Variants in BCLAF1 observed in about 807,000 individuals in gnomAD.
The protein encoded by BCLAF1 is BCL2 associated transcription factor 1.
BCLAF1 carries 10 observed loss-of-function variants against 99.5 expected under a neutral mutation model. That is an observed-to-expected ratio of 0.10 (90% confidence interval 0.06 to 0.17). The LOEUF is 0.17. Among genes scored for constraint, BCLAF1 ranks in the 10% least tolerant of loss-of-function variants. The probability of loss-of-function intolerance (pLI) is 1.00; values close to 1 mark genes in which losing one functional copy is unlikely to be tolerated. For missense variants in BCLAF1, 636 were observed against 1,105.8 expected (o/e 0.58, Z 6.02); for synonymous variants, 255 against 370.9 (o/e 0.69, Z 3.59).
At chr6:136,264,087 C>T (rs1381637260) in intron 11 of BCLAF1, among the ~76,000 whole-genome samples, 1 of 152,026 alleles carries the variant, frequency 6.6e-6, no homozygotes. Context: ...TTTTTCCATC[C>T]ACAAAAATAG....
In BCLAF1 at chr6:136,257,414, G is replaced by C. The variant is rs1780529072; in HGVS notation, c.*3696C>G. ...CAAGTTTGGTCTCATTACCATCATT[G>C]ACACAAGTTAATCATTACTGCATGT... On this transcript the variant is annotated 3_prime_UTR_variant, in exon 13 of 13. Transcript: ENST00000531224. The C allele has an allele frequency of 6.6e-6, 1 of 152,056 alleles. No homozygotes were observed. Among genetic ancestry groups the C allele is most frequent in the Admixed American group, 6.5e-5 (1 of 15,270 alleles). 9.4% of individuals were successfully genotyped at this position (152,056 alleles called of 1,614,324 possible). A position where few individuals can be genotyped will look rare whatever the true frequency, so the allele number is the denominator to read the frequency against.
intron 1 of BCLAF1, among the ~76,000 whole-genome samples, chr6:136,284,128 G>GTGTGTA (rs1554220620): frequency 8.6e-5 from 7 of 81,352 alleles, no homozygotes; most frequent in African/African-American, 2.3e-4. Context: ...GTGTGTGTGT[G>GTGTGTA]TGTATATATA....
chr6:136,277,147 A>G (rs186561663), intron 4 of BCLAF1, among the ~76,000 whole-genome samples: 1 of 152,220 alleles, frequency 6.6e-6, no homozygotes, highest in Non-Finnish European at 1.5e-5. Flanking sequence ...TGAAGCAACC[A>G]ATTTTCACTG....
At position 136,278,391 on chromosome 6, in the gene BCLAF1, T is replaced by C. The variant is rs144315066; in HGVS notation, c.490A>G (p.Lys164Glu). ...PVSKRRGSQE[K>E]QTKKAEGEPQ... Reference sequence around the variant, plus strand: ...TCCCCTTCAGCTTTTTTGGTTTGTTTTTCCTGAGACCCTCGTCTTTTAGAA... The same window carrying C: ...TCCCCTTCAGCTTTTTTGGTTTGTTCTTCCTGAGACCCTCGTCTTTTAGAA... Residue 164 changes from lysine (K) to glutamate (E), a missense_variant, in exon 4 of 13, where the codon AAA (lysine) becomes GAA (glutamate). Coordinates refer to ENST00000531224, the MANE Select transcript of BCLAF1 (RefSeq NM_014739.3). The C allele has an allele frequency of 1.3e-4, 203 of 1,612,828 alleles. No individual in the cohort carries two copies. The highest frequency in any genetic ancestry group is 1.6e-4 in the Non-Finnish European group (187 of 1,179,658).
chr6:136,269,572 T>C lies in BCLAF1; in HGVS notation c.2084A>G (p.His695Arg), dbSNP rs781401355. 1 of 1,611,540 alleles carries C rather than the reference T, an allele frequency of 6.2e-7. No homozygotes were observed. Among genetic ancestry groups the C allele is most frequent in the Non-Finnish European group, 8.5e-7 (1 of 1,178,768 alleles). The stretch of plus-strand genomic sequence containing the variant: ...TTCTTTTCTACGGCGATCAATGTCA[T>C]GCCGAAGGTCAGCAGAGTCACACCT... Reference protein sequence around the residue: ...KLRCDSADLRHDIDRRRKERS... With the variant: ...KLRCDSADLRRDIDRRRKERS... The change falls in exon 9 of 13, where the codon CAT becomes CGT. Residue 695 changes from histidine (H) to arginine (R), a missense_variant. Transcript: ENST00000531224.
rs1584046340 is a variant in BCLAF1, at chr6:136,273,013, C to T, written c.1958+69G>A. 5 of 1,121,932 alleles carry T rather than the reference C, an allele frequency of 4.5e-6. No homozygotes were observed. The East Asian group carries it at 9.8e-5, about 22-fold the overall frequency. 69.5% of individuals were successfully genotyped at this position (1,121,932 alleles called of 1,614,324 possible). ...CAATGACAAAAACAAACTTCCAATA[C>T]AATCTTGTTTTAACAGTGTCTTCCT... On this transcript the variant is annotated intron_variant, in intron 7 of 12. Transcript: ENST00000531224.
chr6:136,268,483 T>C, intron 9 of BCLAF1, 144 bp from the exon 10 acceptor site: 1 of 757,784 alleles, frequency 1.3e-6, no homozygotes, highest in Non-Finnish European at 2.1e-6. Flanking sequence ...GTGTTAAACT[T>C]TGACACAGTC....
At chr6:136,288,355 C>T (rs1355962133) in intron 1 of BCLAF1, among the ~76,000 whole-genome samples, 1 of 152,178 alleles carries the variant, frequency 6.6e-6, no homozygotes, top group Non-Finnish European at 1.5e-5. Context: ...GCCGAGGGGC[C>T]ACTTTTTCCC....
intron 8 of BCLAF1, 110 bp downstream of exon 8, chr6:136,271,885 T>C: frequency 1.3e-6 from 1 of 754,076 alleles, no homozygotes. Context: ...TAGTTATGAA[T>C]TAAAAGTAGA....
chr6:136,270,802 A>C (rs1189211296), intron 8 of BCLAF1, among the ~76,000 whole-genome samples: 1 of 151,860 alleles, frequency 6.6e-6, no homozygotes, highest in Non-Finnish European at 1.5e-5. Flanking sequence ...AATCTGGTCT[A>C]TGTAATGAGG....
In BCLAF1 at chr6:136,271,929, T is replaced by C. The variant is rs1584041764; in HGVS notation, c.2043+66A>G. On this transcript the variant is annotated intron_variant, in intron 8 of 12. Coordinates refer to ENST00000531224, the MANE Select transcript of BCLAF1 (RefSeq NM_014739.3). ...ATAGACATTTTGCCTTGAGAAACTA[T>C]ATTTGGTACAATATCATTAACTAAG... 3 of 1,178,600 alleles carry C rather than the reference T, an allele frequency of 2.5e-6. No individual in the cohort carries two copies. The Admixed American group carries it at 6.1e-5, about 24-fold the overall frequency. 73.0% of individuals were successfully genotyped at this position (1,178,600 alleles called of 1,614,324 possible).
chr6:136,264,785 T>C (rs750360089), intron 11 of BCLAF1, among the ~76,000 whole-genome samples: 3 of 152,358 alleles, frequency 2.0e-5, no homozygotes, highest in Middle Eastern at 3.4e-3. Context: ...GTGTGTAATT[T>C]TGCTTGATAT....
chr6:136,289,078 C>G (rs1445865694), intron 1 of BCLAF1, among the ~76,000 whole-genome samples: 1 of 152,198 alleles, frequency 6.6e-6, no homozygotes. Flanking sequence ...CCAGGGTCAG[C>G]AGCGAGAGGC....
intron 1 of BCLAF1, among the ~76,000 whole-genome samples, chr6:136,283,655 G>A (rs111811502): frequency 0.014 from 2,171 of 152,160 alleles, 41 homozygotes; most frequent in Non-Finnish European, 0.016. Context: ...AGTTTAAATG[G>A]AAATCTGTAA....
At chr6:136,288,850 C>T (rs1487730904) in intron 1 of BCLAF1, among the ~76,000 whole-genome samples, 5 of 152,190 alleles carry the variant, frequency 3.3e-5, no homozygotes, top group African/African-American at 1.2e-4. Flanking sequence ...ATTTCTGACA[C>T]GACTAAATGG....
At chr6:136,285,862 G>A (rs1165189358) in intron 1 of BCLAF1, among the ~76,000 whole-genome samples, 1 of 152,180 alleles carries the variant, frequency 6.6e-6, no homozygotes, top group East Asian at 1.9e-4. Flanking sequence ...CACTTTGGGA[G>A]GCCGAGGTGA....
At chr6:136,272,574 G>C (rs1252519114) in intron 7 of BCLAF1, among the ~76,000 whole-genome samples, 1 of 151,848 alleles carries the variant, frequency 6.6e-6, no homozygotes, top group Non-Finnish European at 1.5e-5. Flanking sequence ...ATACTTCATA[G>C]CCAATATCAC....
Position 136,275,560 on chromosome 6 carries a change from G to C in BCLAF1, c.1824C>G (p.His608Gln), listed in dbSNP as rs768758035. The C allele has an allele frequency of 6.4e-7, 1 of 1,572,788 alleles. No homozygotes were observed. The highest frequency in any genetic ancestry group is 2.0e-5 in the Admixed American group (1 of 50,978). Residue 608 changes from histidine to glutamine, a missense_variant, in exon 6 of 13, where the codon CAC (histidine) becomes CAG (glutamine). Coordinates refer to ENST00000531224, the MANE Select transcript of BCLAF1 (RefSeq NM_014739.3). ...TAACATGATGAACCAAGGACACAAT[G>C]TGTTGAATAAATGACTCTGAAGTGC... ...SKSTSESFIQ[H>Q]IVSLVHHVKE...
Position 136,278,452 on chromosome 6 carries a change from A to T in BCLAF1, c.429T>A (p.Ser143=), listed in dbSNP as rs1289923360. Residue 143 remains serine (S), a synonymous_variant, in exon 4 of 13, where the codon TCT becomes TCA. Transcript: ENST00000531224. ...TGCTATATGGGGATGAAGAACGAGA[A>T]GAGGATGATCTTGGAGACCTAGAAG... The part of the protein sequence containing the change: ...YRSSRSPRSS[S]SRSSSPYSKS... The T allele has an allele frequency of 6.2e-7, 1 of 1,609,834 alleles. No individual in the cohort carries two copies. The highest frequency in any genetic ancestry group is 1.7e-5 in the Admixed American group (1 of 58,834).
Sources: allele counts gnomAD v4.1 joint callset (sites outside exome capture counted in the v4.1 genomes callset), GRCh38; gene constraint gnomAD v4.1.1; transcripts MANE v1.5; gene names NCBI Gene and HGNC (gene_info 2026-07-23, HGNC 2026-07-21).